Variants in SI observed in about 807,000 individuals in gnomAD.
SI encodes sucrase-isomaltase, also known as sucrase-isomaltase, intestinal.
Under a neutral mutation model 253.3 loss-of-function variants are expected in SI, and 235 were observed. The observed-to-expected ratio is 0.93, with a 90% confidence interval of 0.83 to 1.03. SI has a LOEUF of 1.03. Ranked by LOEUF, SI falls within the 50% of genes least tolerant of loss-of-function variation. The pLI is 0.00. For missense variants in SI, 2,442 were observed against 2,211.1 expected, an observed-to-expected ratio of 1.10 and a Z score of -2.09; for synonymous variants, 819 against 712.0, an observed-to-expected ratio of 1.15 and a Z score of -2.39.
At chr3:165,058,813 T>A in intron 12 of SI, 150 bp downstream of exon 12, 1 of 621,758 alleles carries the variant, frequency 1.6e-6, no homozygotes, top group Non-Finnish European at 2.8e-6. Context: ...TTGTCTAATA[T>A]TTTTCTCCAC....
At chr3:165,062,598 A>C (rs1714041503) in intron 8 of SI, 115 bp from the exon 9 acceptor site, 1 of 630,678 alleles carries the variant, frequency 1.6e-6, no homozygotes, top group African/African-American at 1.8e-5. Context: ...AATATGTTTA[A>C]ATAATTAAGA....
At chr3:165,010,551 G>A (rs1350205747) in intron 34 of SI, among the ~76,000 whole-genome samples, 9 of 152,118 alleles carry the variant, frequency 5.9e-5, no homozygotes, top group African/African-American at 1.7e-4. Flanking sequence ...AAGGCTTGGT[G>A]GGATTATATT....
At position 165,058,985 on chromosome 3, in the gene SI, C is replaced by T. The variant is rs771308047; in HGVS notation, c.1376G>A (p.Gly459Glu). The T allele has an allele frequency of 1.9e-6, 3 of 1,611,504 alleles. No individual in the cohort carries two copies. In the Admixed American group the frequency reaches 5.0e-5, roughly 27 times the overall value. Residue 459 changes from glycine to glutamate, a missense_variant, in exon 12 of 48, where the codon GGA (glycine) becomes GAA (glutamate). Coordinates refer to ENST00000264382, the MANE Select transcript of SI (RefSeq NM_001041.4). ...TACCTCTCCAATAATTGGTGTACTT[C>T]CATCTGACTCATTTATCCACACATG... is the stretch of plus-strand genomic sequence containing the variant. ...TQHVWINESD[G>E]STPIIGEVWP...
At chr3:165,029,838 A>C (rs892854428) in intron 25 of SI, among the ~76,000 whole-genome samples, 15 of 150,278 alleles carry the variant, frequency 1.0e-4, no homozygotes, top group African/African-American at 3.4e-4. Flanking sequence ...GGTTTAGAGA[A>C]GTGAACTTCA....
intron 5 of SI, among the ~76,000 whole-genome samples, chr3:165,068,518 C>A (rs1714373063): frequency 6.6e-6 from 1 of 152,084 alleles, no homozygotes; most frequent in African/African-American, 2.4e-5. Context: ...GGATTACAGG[C>A]GCCCGCCACC....
At chr3:165,002,568 T>C (rs928912892) in intron 37 of SI, among the ~76,000 whole-genome samples, 1 of 151,800 alleles carries the variant, frequency 6.6e-6, no homozygotes, top group African/African-American at 2.4e-5. Context: ...ATGGTCTGTA[T>C]AACTTGAGAA....
chr3:165,072,948 A>G (rs2108109751), intron 3 of SI, among the ~76,000 whole-genome samples: 1 of 152,278 alleles, frequency 6.6e-6, no homozygotes, highest in African/African-American at 2.4e-5. Context: ...TTTTATAAAT[A>G]ACAAGCATAA....
intron 12 of SI, among the ~76,000 whole-genome samples, chr3:165,058,630 G>C (rs1713819040): frequency 6.6e-6 from 1 of 151,784 alleles, no homozygotes; most frequent in Non-Finnish European, 1.5e-5. Flanking sequence ...AATTTTTAGA[G>C]GCTACTATGA....
At chr3:165,065,736 A>AG (rs1714216320) in intron 6 of SI, among the ~76,000 whole-genome samples, 1 of 151,586 alleles carries the variant, frequency 6.6e-6, no homozygotes, top group Non-Finnish European at 1.5e-5. Flanking sequence ...AACTGGGATA[A>AG]TTAATTGATG....
At chr3:165,023,367 A>G (rs1220725752) in intron 26 of SI, among the ~76,000 whole-genome samples, 2 of 151,588 alleles carry the variant, frequency 1.3e-5, no homozygotes, top group African/African-American at 2.4e-5. Flanking sequence ...CATTGTATTA[A>G]TCACAAAGTT....
In SI at chr3:165,063,535, T is replaced by C. The variant is rs760043147; in HGVS notation, c.814A>G (p.Asn272Asp). 1.4e-6 allele frequency: 2 copies of C among 1,391,842 alleles called. No individual in the cohort carries two copies. Among genetic ancestry groups the C allele is most frequent in the South Asian group, 2.4e-5 (2 of 82,314 alleles). 86.2% of individuals were successfully genotyped at this position (1,391,842 alleles called of 1,614,324 possible). A position where few individuals can be genotyped will look rare whatever the true frequency, so the allele number is the denominator to read the frequency against. ...TRDQLPGDNNNNLYGHQTFFM... is the reference protein window; with the variant it reads ...TRDQLPGDNNDNLYGHQTFFM... Reference sequence around the variant, plus strand: ...AATGTTTGATGGCCGTATAAATTATTATTATTCTATAAGGCAAGAATTTGA... The same window carrying C: ...AATGTTTGATGGCCGTATAAATTATCATTATTCTATAAGGCAAGAATTTGA... Residue 272 changes from asparagine (N) to aspartate (D), a missense_variant, in exon 8 of 48, where the codon AAT becomes GAT. Physicochemically the swap from Asn to Asp is conservative, Grantham distance 23. Coordinates refer to ENST00000264382, the MANE Select transcript of SI (RefSeq NM_001041.4).
intron 16 of SI, among the ~76,000 whole-genome samples, chr3:165,045,281 C>T (rs1311725382): frequency 6.6e-6 from 1 of 151,922 alleles, no homozygotes; most frequent in Non-Finnish European, 1.5e-5. Context: ...ATGCCTATTC[C>T]TAATATATTG....
intron 17 of SI, among the ~76,000 whole-genome samples, chr3:165,042,479 G>A (rs1034549278): frequency 6.6e-6 from 1 of 152,096 alleles, no homozygotes; most frequent in Non-Finnish European, 1.5e-5. Context: ...AGTATGCTGA[G>A]TTCCCACGGC....
chr3:165,027,621 T>A (rs1711998082), intron 25 of SI, among the ~76,000 whole-genome samples: 2 of 151,402 alleles, frequency 1.3e-5, no homozygotes, highest in African/African-American at 4.8e-5. Context: ...CATGACCAAG[T>A]GGGTTTCATA....
At chr3:165,022,623 A>AC (rs1444217892) in intron 26 of SI, among the ~76,000 whole-genome samples, 31 of 150,988 alleles carry the variant, frequency 2.1e-4, no homozygotes, top group Admixed American at 6.0e-4. Flanking sequence ...ACACACACAC[A>AC]AAATCTTCCA....
upstream of SI, among the ~76,000 whole-genome samples, chr3:165,079,674 A>G (rs2108125367): frequency 6.6e-6 from 1 of 151,848 alleles, no homozygotes; most frequent in East Asian, 1.9e-4. Flanking sequence ...ATGAACTCAA[A>G]GCTCCTAGAA....
chr3:165,050,995 T>A (rs1713398106), intron 13 of SI, among the ~76,000 whole-genome samples: 1 of 152,064 alleles, frequency 6.6e-6, no homozygotes. Context: ...TTAGAAAATA[T>A]CTGAGACCGA....
Position 165,016,064 on chromosome 3 carries a change from T to C in SI, c.3776A>G (p.Asp1259Gly). Residue 1259 changes from aspartate to glycine, a missense_variant, in exon 32 of 48, where the codon GAC (aspartate) becomes GGC (glycine). Transcript: ENST00000264382. ...TAGCTGCCTTTCCATGTAGTCAATGTCTGTGTACTGAACATCCTGAAATAT... is the reference window on the plus strand; with the variant it reads ...TAGCTGCCTTTCCATGTAGTCAATGCCTGTGTACTGAACATCCTGAAATAT... The part of the protein sequence containing the change: ...ANIPYDVQYT[D>G]IDYMERQLDF... 2.5e-6 allele frequency: 4 copies of C among 1,613,030 alleles called. No homozygotes were observed. Among genetic ancestry groups the C allele is most frequent in the Non-Finnish European group, 3.4e-6 (4 of 1,179,224 alleles).
In SI at chr3:165,069,225, A is replaced by G. The variant is rs199748026; in HGVS notation, c.256-30T>C. On this transcript the variant is annotated intron_variant, in intron 3 of 47. Coordinates refer to ENST00000264382, the MANE Select transcript of SI (RefSeq NM_001041.4). ...TAAAATATTTTTAAAGGAATTATAT[A>G]ATTACTACTATTATCAGATGTCCCA... is the stretch of plus-strand genomic sequence containing the variant. 1.6e-3 allele frequency: 2,100 copies of G among 1,325,874 alleles called. 4 individuals are homozygous for G. The highest frequency in any genetic ancestry group is 2.1e-3 in the Non-Finnish European group (1,912 of 920,356). The allele number at this position is 1,325,874 out of a possible 1,614,324, so 82.1% of individuals were successfully genotyped here.
Sources: gnomAD v4.1 joint callset for allele counts (sites outside exome capture counted in the v4.1 genomes callset) on GRCh38, gnomAD v4.1.1 for gene constraint, MANE v1.5 for transcripts, NCBI Gene and HGNC (gene_info 2026-07-23, HGNC 2026-07-21) for gene names.